MAEA: variants seen among roughly 807,000 people sequenced by gnomAD.
MAEA encodes the protein E3 ubiquitin-protein transferase MAEA.
Under a neutral mutation model 46.2 loss-of-function variants are expected in MAEA, and 22 were observed. The ratio of observed to expected loss-of-function variants is 0.48; its 90% CI spans 0.34 to 0.68. The LOEUF is 0.68. Among genes scored for constraint, MAEA ranks in the 30% least tolerant of loss-of-function variants. The pLI is 0.01. For missense variants in MAEA, 393 were observed against 558.1 expected, an observed-to-expected ratio of 0.70 and a Z score of 2.98; for synonymous variants, 246 against 222.6, an observed-to-expected ratio of 1.11 and a Z score of -0.94.
chr4:1,296,528 CT>C (rs1446715271), intron 1 of MAEA, among the ~76,000 whole-genome samples: 1 of 112,046 alleles, frequency 8.9e-6, no homozygotes. Context: ...TGCCCTTTGC[CT>C]TGTGGCTGCT....
At chr4:1,319,175 G>A (rs1261959711) in intron 3 of MAEA, among the ~76,000 whole-genome samples, 1 of 152,076 alleles carries the variant, frequency 6.6e-6, no homozygotes, top group African/African-American at 2.4e-5. Flanking sequence ...AGCAAAGTGA[G>A]AACCCTTCTC....
At chr4:1,336,290 G>A (rs975562929) in intron 6 of MAEA, among the ~76,000 whole-genome samples, 4 of 151,648 alleles carry the variant, frequency 2.6e-5, no homozygotes, top group Non-Finnish European at 4.4e-5. Flanking sequence ...GCCTCACAGC[G>A]TGTTGAAATC....
chr4:1,328,583 C>G (rs920933636), intron 5 of MAEA: 51 of 1,179,908 alleles, frequency 4.3e-5, no homozygotes, highest in Non-Finnish European at 5.3e-5. Context: ...CAGGAGGGGG[C>G]ACCTGTCCAT....
intron 1 of MAEA, among the ~76,000 whole-genome samples, chr4:1,303,557 A>G (rs1002418850): frequency 4.6e-5 from 7 of 152,162 alleles, no homozygotes; most frequent in Admixed American, 2.0e-4. Flanking sequence ...GAACCTGGTA[A>G]ACATGCTAAG....
chr4:1,315,552 C>T lies in MAEA; in HGVS notation c.408C>T (p.Cys136=), dbSNP rs147968346. ...TGATGGTGGAGCACCTGCTGCGTTG[C>T]GGCTACTACAACACGGCTGTCAAGC... The part of the protein sequence containing the change: ...DRMMVEHLLR[C]GYYNTAVKLA... Residue 136 remains cysteine (C), a synonymous_variant, in exon 3 of 9, where the codon TGC becomes TGT. Coordinates refer to ENST00000303400, the MANE Select transcript of MAEA (RefSeq NM_001017405.3). 1,186 of 1,613,684 alleles carry T rather than the reference C, an allele frequency of 7.3e-4. No individual in the cohort carries two copies. The highest frequency in any genetic ancestry group is 4.2e-3 in the African/African-American group (317 of 75,048).
intron 4 of MAEA, among the ~76,000 whole-genome samples, chr4:1,326,356 C>T (rs1023604667): frequency 2.6e-5 from 4 of 152,238 alleles, no homozygotes; most frequent in African/African-American, 7.2e-5. Context: ...ACGCCTATAT[C>T]CTGTTTCCGG....
chr4:1,304,318 A>G (rs901361774), intron 1 of MAEA, among the ~76,000 whole-genome samples: 5 of 152,062 alleles, frequency 3.3e-5, no homozygotes, highest in African/African-American at 1.2e-4. Context: ...TTTTTTGTAG[A>G]GACGGGGGTG....
chr4:1,334,244 G>C (rs753228928), intron 6 of MAEA, among the ~76,000 whole-genome samples: 5 of 146,520 alleles, frequency 3.4e-5, no homozygotes, highest in Non-Finnish European at 6.0e-5. Context: ...TCCTGGAGTT[G>C]ACAGTTTGTT....
At chr4:1,298,530 C>G (rs1735005890) in intron 1 of MAEA, among the ~76,000 whole-genome samples, 1 of 152,202 alleles carries the variant, frequency 6.6e-6, no homozygotes, top group African/African-American at 2.4e-5. Flanking sequence ...CTGGTTTTAC[C>G]CCCATCACAG....
At chr4:1,328,356 C>T (rs1739113691) in intron 5 of MAEA, among the ~76,000 whole-genome samples, 2 of 152,236 alleles carry the variant, frequency 1.3e-5, no homozygotes, top group Non-Finnish European at 1.5e-5. Context: ...GAGTGGGCAT[C>T]GTCAGGCAGC....
intron 2 of MAEA, 142 bp from the exon 3 acceptor site, chr4:1,315,255 C>G (rs554040470): frequency 1.3e-5 from 10 of 741,328 alleles, no homozygotes; most frequent in South Asian, 3.7e-5. Flanking sequence ...CTAGCGGACT[C>G]GGTAGAGCAC....
chr4:1,323,658 C>T (rs1402869734), intron 4 of MAEA: 2 of 700,390 alleles, frequency 2.9e-6, no homozygotes, highest in African/African-American at 1.7e-5. Context: ...CACTCCCTCC[C>T]AGAGAGCCGG....
chr4:1,322,263 GATGC>G, intron 3 of MAEA, 114 bp from the exon 4 acceptor site: 1 of 1,374,504 alleles, frequency 7.3e-7, no homozygotes, highest in African/African-American at 1.4e-5. Flanking sequence ...GTGGACTGGA[GATGC>G]ATCTCGAGTG....
In MAEA at chr4:1,339,061, TTTTA is replaced by T; in HGVS notation, c.1096-9_1096-6del. On this transcript the variant is annotated splice_polypyrimidine_tract_variant and intron_variant, in intron 8 of 8. Coordinates refer to ENST00000303400, the MANE Select transcript of MAEA (RefSeq NM_001017405.3). ...GTCGCTTGCCTTAATGCATTCCCGG[TTTTA>T]TTTTTCAGTCTCTGCTTTCTATCCG... 6.2e-7 allele frequency: 1 copy of T among 1,609,260 alleles called. No individual in the cohort carries two copies. Among genetic ancestry groups the T allele is most frequent in the Non-Finnish European group, 8.5e-7 (1 of 1,175,688 alleles).
intron 7 of MAEA, chr4:1,337,824 GTGAC>G (rs1279921429): frequency 1.0e-4 from 18 of 173,350 alleles, no homozygotes; most frequent in African/African-American, 2.4e-4. Flanking sequence ...GCCCTCTCCT[GTGAC>G]TGACTCTGTC....
chr4:1,289,931 G>C lies in MAEA; in HGVS notation c.18G>C (p.Ser6=), dbSNP rs1360280844. Residue 6 remains serine (S), a synonymous_variant, in exon 1 of 9, where the codon TCG becomes TCC. Coordinates refer to ENST00000303400, the MANE Select transcript of MAEA (RefSeq NM_001017405.3). ...GCTTCAAGATGGCGGTGCAGGAGTCGGCGGCTCAGTTGTCCATGACCCTGA... is the reference window on the plus strand; with the variant it reads ...GCTTCAAGATGGCGGTGCAGGAGTCCGCGGCTCAGTTGTCCATGACCCTGA... MAVQE[S]AAQLSMTLKV... 3.1e-6 allele frequency: 5 copies of C among 1,601,044 alleles called. No homozygotes were observed. In the African/African-American group the frequency reaches 6.7e-5, roughly 22 times the overall value.
At chr4:1,337,105 C>T (rs1712869055) in intron 7 of MAEA, 111 bp downstream of exon 7, 13 of 1,339,346 alleles carry the variant, frequency 9.7e-6, no homozygotes, top group Non-Finnish European at 1.3e-5. Context: ...CCACAGACAG[C>T]CCCGAGCTCC....
chr4:1,322,253 G>C (rs1010968364), intron 3 of MAEA, 128 bp from the exon 4 acceptor site: 12 of 1,295,504 alleles, frequency 9.3e-6, no homozygotes, highest in Non-Finnish European at 1.3e-5. Context: ...GACCCACAGT[G>C]TGGACTGGAG....
intron 7 of MAEA, 82 bp from the exon 8 acceptor site, chr4:1,338,340 C>A: frequency 8.7e-7 from 1 of 1,149,858 alleles, no homozygotes; most frequent in Non-Finnish European, 1.3e-6. Context: ...GGCACGCAGC[C>A]CAGGGCAGAG....
Sources: allele counts gnomAD v4.1 joint callset (sites outside exome capture counted in the v4.1 genomes callset), GRCh38; gene constraint gnomAD v4.1.1; transcripts MANE v1.5; gene names NCBI Gene and HGNC (gene_info 2026-07-23, HGNC 2026-07-21).